Variants in GABBR2 observed in about 807,000 individuals in gnomAD.
GABBR2 encodes gamma-aminobutyric acid type B receptor subunit 2, also known as G-protein coupled receptor 51.
Under a neutral mutation model 105.6 loss-of-function variants are expected in GABBR2, and 23 were observed. The ratio of observed to expected loss-of-function variants is 0.22; its 90% CI spans 0.16 to 0.31. GABBR2 has a LOEUF of 0.31. GABBR2 is among the 10% of genes least tolerant of loss of function. GABBR2 has a pLI of 1.00. For missense variants in GABBR2, 734 were observed against 1,245.5 expected (o/e 0.59, Z 6.18); for synonymous variants, 478 against 499.7 (o/e 0.96, Z 0.58).
At chr9:98,406,325 T>C (rs1832489682) in intron 7 of GABBR2, among the ~76,000 whole-genome samples, 184 bp from the exon 8 acceptor site, 1 of 152,284 alleles carries the variant, frequency 6.6e-6, no homozygotes, top group African/African-American at 2.4e-5. Context: ...GTTGTGACTT[T>C]ATCTGGTTAA....
chr9:98,657,811 G>C (rs1830203363), intron 1 of GABBR2, among the ~76,000 whole-genome samples: 1 of 152,244 alleles, frequency 6.6e-6, no homozygotes, highest in Non-Finnish European at 1.5e-5. Context: ...AGATCTGATG[G>C]GTTTTTAAGT....
At chr9:98,326,118 G>C (rs1345072543) in intron 13 of GABBR2, among the ~76,000 whole-genome samples, 1 of 152,220 alleles carries the variant, frequency 6.6e-6, no homozygotes, top group Non-Finnish European at 1.5e-5. Context: ...CCAAATGAGA[G>C]AAGGGAGTGG....
intron 17 of GABBR2, among the ~76,000 whole-genome samples, chr9:98,297,191 T>C (rs1830395361): frequency 6.6e-6 from 1 of 152,210 alleles, no homozygotes; most frequent in Admixed American, 6.5e-5. Flanking sequence ...ACGAAAGTTA[T>C]TAGAAGTAAT....
chr9:98,291,191 T>C (rs1389104171), intron 18 of GABBR2, among the ~76,000 whole-genome samples: 1 of 152,180 alleles, frequency 6.6e-6, no homozygotes, highest in African/African-American at 2.4e-5. Context: ...TCAGAACACT[T>C]ACAGTTGGGC....
At chr9:98,491,223 G>A (rs1340783303) in intron 4 of GABBR2, among the ~76,000 whole-genome samples, 1 of 152,160 alleles carries the variant, frequency 6.6e-6, no homozygotes, top group East Asian at 1.9e-4. Flanking sequence ...TTTGACACCT[G>A]TATCTTGAAC....
intron 13 of GABBR2, among the ~76,000 whole-genome samples, chr9:98,318,891 T>TTGTG (rs111952099): frequency 2.2e-4 from 32 of 148,380 alleles, no homozygotes; most frequent in South Asian, 6.4e-4. Context: ...AAATGTGAGT[T>TTGTG]TGTGTGTGTG....
intron 3 of GABBR2, among the ~76,000 whole-genome samples, chr9:98,500,841 G>A (rs896131439): frequency 1.3e-5 from 2 of 152,128 alleles, no homozygotes; most frequent in African/African-American, 4.8e-5. Flanking sequence ...AGCACCATCT[G>A]AGAACTTGCT....
rs1317452226 is a variant in GABBR2, at chr9:98,387,782, ATAAAT to A, written c.1529+1067_1529+1071del. Among the ~76,000 whole-genome samples, 60 of 150,872 alleles carry A rather than the reference ATAAAT, an allele frequency of 4.0e-4. 1 individual carries two copies. The highest frequency in any genetic ancestry group is 1.2e-3 in the African/African-American group (50 of 41,422). ...TCTTAAAAAAGTAAAATAAAATAAA[ATAAAT>A]TAATTAAAATAATTAATTAATTAAT... is the stretch of plus-strand genomic sequence containing the variant. On this transcript the variant is annotated intron_variant, in intron 10 of 18. Coordinates refer to ENST00000259455, the MANE Select transcript of GABBR2 (RefSeq NM_005458.8).
chr9:98,648,748 C>A (rs533857905), intron 1 of GABBR2, among the ~76,000 whole-genome samples: 19 of 152,286 alleles, frequency 1.2e-4, no homozygotes, highest in Admixed American at 1.2e-3. Flanking sequence ...ACAGAATGAA[C>A]CTTTCGAGAA....
chr9:98,625,338 C>A (rs1768389826), intron 1 of GABBR2, among the ~76,000 whole-genome samples: 1 of 152,248 alleles, frequency 6.6e-6, no homozygotes, highest in African/African-American at 2.4e-5. Flanking sequence ...CAGGAGACAC[C>A]ACCATCCACA....
At chr9:98,612,743 G>A (rs2090008787) in intron 1 of GABBR2, among the ~76,000 whole-genome samples, 1 of 152,196 alleles carries the variant, frequency 6.6e-6, no homozygotes, top group Admixed American at 6.5e-5. Flanking sequence ...ACCACAACAT[G>A]GTAAGTGGAG....
At chr9:98,389,661 A>G (rs539337688) in intron 9 of GABBR2, among the ~76,000 whole-genome samples, 141 of 152,336 alleles carry the variant, frequency 9.3e-4, no homozygotes, top group Non-Finnish European at 1.7e-3. Context: ...GTGACTGCAG[A>G]GGTGCGCTGC....
intron 7 of GABBR2, among the ~76,000 whole-genome samples, chr9:98,434,360 C>A (rs73655448): frequency 0.052 from 7,918 of 152,166 alleles, 362 homozygotes; most frequent in East Asian, 0.19. Flanking sequence ...CTCTAGTGAA[C>A]CCTAATACAA....
At chr9:98,668,186 C>A (rs2131858875) in intron 1 of GABBR2, among the ~76,000 whole-genome samples, 1 of 152,360 alleles carries the variant, frequency 6.6e-6, no homozygotes, top group South Asian at 2.1e-4. Flanking sequence ...CCCATACACT[C>A]CCCAATAAAA....
At chr9:98,704,483 G>T (rs1168488263) in intron 1 of GABBR2, among the ~76,000 whole-genome samples, 1 of 152,094 alleles carries the variant, frequency 6.6e-6, no homozygotes, top group African/African-American at 2.4e-5. Context: ...TCACCCACAG[G>T]ATAGAATAGT....
intron 16 of GABBR2, among the ~76,000 whole-genome samples, chr9:98,299,814 A>T (rs550177670): frequency 6.6e-6 from 1 of 152,298 alleles, no homozygotes; most frequent in South Asian, 2.1e-4. Flanking sequence ...AAGATAATAC[A>T]TGGAAAGTTT....
rs570388982 is a variant in GABBR2, at chr9:98,482,085, T to C, written c.733-1088A>G. ...CCTGCTCCCCATCCCAGCCGCTTCC[T>C]GCCCTCCACAGTGAGGCCCAGCCTT... On this transcript the variant is annotated intron_variant, in intron 4 of 18. Transcript: ENST00000259455. Among the ~76,000 whole-genome samples the C allele has an allele frequency of 3.9e-5, 6 of 152,330 alleles. No homozygotes were observed. In the South Asian group the frequency reaches 1.2e-3, roughly 32 times the overall value.
chr9:98,625,303 G>A (rs1829721183), intron 1 of GABBR2, among the ~76,000 whole-genome samples: 1 of 152,206 alleles, frequency 6.6e-6, no homozygotes, highest in African/African-American at 2.4e-5. Context: ...GGTCACTGAT[G>A]CCCGGCTCAG....
At chr9:98,514,617 G>A (rs1450455456) in intron 3 of GABBR2, among the ~76,000 whole-genome samples, 4 of 135,654 alleles carry the variant, frequency 2.9e-5, no homozygotes, top group East Asian at 2.4e-4. Context: ...CATGGACACA[G>A]GAAGGGGAAC....
Sources: allele counts gnomAD v4.1 joint callset (sites outside exome capture counted in the v4.1 genomes callset), GRCh38; gene constraint gnomAD v4.1.1; transcripts MANE v1.5; gene names NCBI Gene and HGNC (gene_info 2026-07-23, HGNC 2026-07-21).